The following FHIT variants were observed in gnomAD, a reference collection of about 807,000 sequenced individuals.
FHIT encodes the protein fragile histidine triad diadenosine triphosphatase.
FHIT carries 19 observed loss-of-function variants against 17.9 expected under a neutral mutation model. That is an observed-to-expected ratio of 1.06 (90% CI 0.74 to 1.56). The LOEUF is 1.56. Among genes scored for constraint, FHIT ranks in the 40% most tolerant of loss-of-function variants. FHIT has a pLI of 0.00. For synonymous variants in FHIT, 81 were observed against 69.7 expected (o/e 1.16, Z -0.81); for missense variants, 248 against 189.2 (o/e 1.31, Z -1.82).
intron 5 of FHIT, among the ~76,000 whole-genome samples, chr3:60,349,602 A>T (rs531295650): frequency 1.8e-3 from 279 of 152,212 alleles, no homozygotes; most frequent in Non-Finnish European, 3.3e-3. Flanking sequence ...AAGGTACTAA[A>T]CTCCAAAAAT....
chr3:60,777,631 T>C (rs1700252817), intron 4 of FHIT, among the ~76,000 whole-genome samples: 1 of 152,242 alleles, frequency 6.6e-6, no homozygotes, highest in African/African-American at 2.4e-5. Flanking sequence ...GGATTCTCTA[T>C]AAAATGTGGA....
chr3:59,779,441 A>G (rs1374869975), intron 8 of FHIT, among the ~76,000 whole-genome samples: 2 of 152,156 alleles, frequency 1.3e-5, no homozygotes, highest in African/African-American at 2.4e-5. Context: ...GGAGCCTTCA[A>G]TTAGAATTCT....
chr3:61,109,720 A>T (rs191009213), intron 2 of FHIT, among the ~76,000 whole-genome samples: 1 of 152,168 alleles, frequency 6.6e-6, no homozygotes, highest in Admixed American at 6.6e-5. Context: ...ATTTCTACAC[A>T]CTCTCACTTG....
intron 3 of FHIT, among the ~76,000 whole-genome samples, chr3:60,885,292 A>G (rs1553759033): frequency 6.6e-6 from 1 of 152,194 alleles, no homozygotes. Context: ...TGCATGTACT[A>G]AAGTATCACA....
intron 8 of FHIT, among the ~76,000 whole-genome samples, chr3:59,836,961 TA>T: frequency 6.6e-6 from 1 of 152,320 alleles, no homozygotes; most frequent in South Asian, 2.1e-4. Context: ...TTTCTAGTCC[TA>T]AACTCACTAT....
At chr3:59,757,577 A>G (rs1575607265) in intron 8 of FHIT, among the ~76,000 whole-genome samples, 1 of 152,314 alleles carries the variant, frequency 6.6e-6, no homozygotes, top group East Asian at 1.9e-4. Context: ...ATGGTTCACA[A>G]TAATTTAAAT....
chr3:61,061,585 A>G (rs1292563135), intron 2 of FHIT, among the ~76,000 whole-genome samples: 1 of 151,894 alleles, frequency 6.6e-6, no homozygotes, highest in Non-Finnish European at 1.5e-5. Context: ...ATTTAATTCT[A>G]TTTTTAAGTC....
intron 5 of FHIT, among the ~76,000 whole-genome samples, chr3:60,123,626 T>C (rs762715842): frequency 9.9e-5 from 15 of 152,040 alleles, no homozygotes; most frequent in Admixed American, 9.2e-4. Flanking sequence ...GTCTTTTGAA[T>C]TGATTTTCAA....
chr3:60,064,197 A>C (rs1306592249), intron 5 of FHIT, among the ~76,000 whole-genome samples: 1 of 152,228 alleles, frequency 6.6e-6, no homozygotes, highest in Non-Finnish European at 1.5e-5. Context: ...AATTTGATTT[A>C]AATCAATAAT....
intron 4 of FHIT, among the ~76,000 whole-genome samples, chr3:60,556,703 T>C (rs1018644235): frequency 6.6e-6 from 1 of 152,146 alleles, no homozygotes; most frequent in Admixed American, 6.6e-5. Context: ...GGGGTGGGTT[T>C]TGGAATAGCA....
intron 5 of FHIT, among the ~76,000 whole-genome samples, chr3:60,084,724 C>T (rs1703426868): frequency 6.6e-6 from 1 of 152,178 alleles, no homozygotes; most frequent in African/African-American, 2.4e-5. Context: ...ATATCATCTA[C>T]ATAATTTCCT....
intron 5 of FHIT, among the ~76,000 whole-genome samples, chr3:60,108,594 C>T (rs1019120097): frequency 6.6e-6 from 1 of 152,062 alleles, no homozygotes; most frequent in Non-Finnish European, 1.5e-5. Context: ...ACTCCTAGCT[C>T]GACAGATCAT....
chr3:60,850,276 G>A (rs1158160596), intron 3 of FHIT, among the ~76,000 whole-genome samples: 1 of 146,114 alleles, frequency 6.8e-6, no homozygotes, highest in Non-Finnish European at 1.5e-5. Context: ...TAATAAAGTG[G>A]GTGGTACTTT....
chr3:60,122,176 T>C (rs889190183), intron 5 of FHIT, among the ~76,000 whole-genome samples: 1 of 152,034 alleles, frequency 6.6e-6, no homozygotes, highest in East Asian at 1.9e-4. Flanking sequence ...TCAACTCAAA[T>C]GTACTGCTAA....
intron 4 of FHIT, among the ~76,000 whole-genome samples, chr3:60,710,093 A>C (rs1553704633): frequency 2.6e-5 from 4 of 152,066 alleles, no homozygotes; most frequent in East Asian, 1.9e-4. Context: ...AAAAAAAAAA[A>C]AACTCAACAA....
At chr3:60,181,519 T>C (rs554296479) in intron 5 of FHIT, among the ~76,000 whole-genome samples, 1 of 152,276 alleles carries the variant, frequency 6.6e-6, no homozygotes, top group South Asian at 2.1e-4. Context: ...TTCCCAAGGA[T>C]ATATAGCTAT....
At chr3:60,058,263 G>C (rs1012002973) in intron 5 of FHIT, among the ~76,000 whole-genome samples, 1 of 146,804 alleles carries the variant, frequency 6.8e-6, no homozygotes, top group African/African-American at 2.5e-5. Context: ...TCCTGCCTCA[G>C]CCTCCTGAGT....
At chr3:61,177,729 G>T (rs1220056850) in intron 2 of FHIT, among the ~76,000 whole-genome samples, 1 of 152,106 alleles carries the variant, frequency 6.6e-6, no homozygotes. Flanking sequence ...TCACATGACT[G>T]ATACGTTTGC....
rs1007107368 is a variant in FHIT at position 61,152,868 on chromosome 3, G to A, written c.-164+47749C>T. The stretch of plus-strand genomic sequence containing the variant: ...AATTCAAAGACAATGGTGGGGCTGG[G>A]TGCGGTGGCTCACACCTGTAATCCC... On this transcript the variant is annotated intron_variant, in intron 2 of 9. Coordinates refer to ENST00000492590, the MANE Select transcript of FHIT (RefSeq NM_002012.4). 2.6e-5 allele frequency among the ~76,000 whole-genome samples: 4 copies of A among 152,294 alleles called. No homozygotes were observed. The East Asian group carries it at 7.7e-4, about 29-fold the overall frequency.
Sources: allele counts gnomAD v4.1 joint callset (sites outside exome capture counted in the v4.1 genomes callset), GRCh38; gene constraint gnomAD v4.1.1; transcripts MANE v1.5; gene names NCBI Gene and HGNC (gene_info 2026-07-23, HGNC 2026-07-21).